ACBD6: variants seen among roughly 807,000 people sequenced by gnomAD.
ACBD6 encodes acyl-CoA-binding domain-containing protein 6.
ACBD6 carries 28 observed loss-of-function variants against 37.2 expected under a neutral mutation model. The ratio of observed to expected loss-of-function variants is 0.75; its 90% CI spans 0.56 to 1.03. The LOEUF (loss-of-function observed/expected upper bound fraction) is 1.03, where lower values mean the gene tolerates loss of function less well. Ranked by LOEUF, ACBD6 falls within the 50% of genes least tolerant of loss-of-function variation. The probability of loss-of-function intolerance (pLI) is 0.00; values close to 1 mark genes in which losing one functional copy is unlikely to be tolerated. For synonymous variants in ACBD6, 113 were observed against 126.8 expected, an observed-to-expected ratio of 0.89 and a Z score of 0.73; for missense variants, 340 against 337.4, an observed-to-expected ratio of 1.01 and a Z score of -0.06.
intron 6 of ACBD6, among the ~76,000 whole-genome samples, chr1:180,368,016 T>C (rs983102816): frequency 6.6e-6 from 1 of 152,190 alleles, no homozygotes; most frequent in Non-Finnish European, 1.5e-5. Context: ...CAACAGTGAA[T>C]ACATGTTCCC....
At chr1:180,485,526 T>G (rs1033004910) in intron 3 of ACBD6, among the ~76,000 whole-genome samples, 2 of 152,232 alleles carry the variant, frequency 1.3e-5, no homozygotes, top group African/African-American at 4.8e-5. Context: ...AGGCTAAGAA[T>G]GGAGCTGGGC....
chr1:180,487,877 T>G (rs567713530), intron 3 of ACBD6, among the ~76,000 whole-genome samples: 1 of 152,246 alleles, frequency 6.6e-6, no homozygotes. Flanking sequence ...ACTTTGTGGA[T>G]TGAAGACATG....
At chr1:180,365,905 T>A (rs1653037844) in intron 6 of ACBD6, among the ~76,000 whole-genome samples, 1 of 152,204 alleles carries the variant, frequency 6.6e-6, no homozygotes, top group African/African-American at 2.4e-5. Flanking sequence ...TCTGAGTATA[T>A]CAGTTTGATC....
intron 6 of ACBD6, among the ~76,000 whole-genome samples, chr1:180,324,490 T>G (rs979406742): frequency 6.6e-6 from 1 of 152,032 alleles, no homozygotes; most frequent in East Asian, 1.9e-4. Context: ...AAAAAAAAAC[T>G]AATAAAAACA....
At chr1:180,283,877 G>A (rs1039827382), downstream of ACBD6, among the ~76,000 whole-genome samples, 1 of 152,030 alleles carries the variant, frequency 6.6e-6, no homozygotes, top group Non-Finnish European at 1.5e-5. Context: ...TTTTGGATTA[G>A]GGATGTTCAG....
intron 3 of ACBD6, among the ~76,000 whole-genome samples, chr1:180,439,081 T>C (rs1187671507): frequency 1.3e-5 from 2 of 152,228 alleles, no homozygotes; most frequent in East Asian, 1.9e-4. Flanking sequence ...GGTTCCTCCA[T>C]GTCTTTTCAT....
chr1:180,374,153 T>C (rs10913972), intron 6 of ACBD6, among the ~76,000 whole-genome samples: 145,403 of 152,260 alleles, frequency 0.95, 69,494 homozygotes, highest in African/African-American at 0.99. Context: ...ATCAAATAAT[T>C]TTGTAGAAAA....
At chr1:180,306,432 C>A (rs965074836) in intron 7 of ACBD6, among the ~76,000 whole-genome samples, 1 of 152,116 alleles carries the variant, frequency 6.6e-6, no homozygotes, top group African/African-American at 2.4e-5. Context: ...CTCTCAGAAG[C>A]ACGCGTGCCC....
rs767155202 is a variant in ACBD6, at chr1:180,274,476, G to A, written c.*936+175C>T. 7 of 1,613,870 alleles carry A rather than the reference G, an allele frequency of 4.3e-6. No homozygotes were observed. In the African/African-American group the frequency reaches 9.3e-5, roughly 22 times the overall value. Reference sequence around the variant, plus strand: ...AGCCAGACGCTGAGAGCCATGGCTGGGGGACCCACCTCTGACATCTCCACA... The same window carrying A: ...AGCCAGACGCTGAGAGCCATGGCTGAGGGACCCACCTCTGACATCTCCACA... On this transcript the variant is annotated intron_variant, in intron 10 of 13. Coordinates refer to the ACBD6 transcript ENST00000642319.
chr1:180,361,881 T>C (rs965387770), intron 6 of ACBD6, among the ~76,000 whole-genome samples: 4 of 152,212 alleles, frequency 2.6e-5, no homozygotes, highest in African/African-American at 9.6e-5. Context: ...TTGAACATTC[T>C]AGGTTTTATA....
At chr1:180,412,021 G>A (rs982685711) in intron 5 of ACBD6, among the ~76,000 whole-genome samples, 17 of 150,844 alleles carry the variant, frequency 1.1e-4, no homozygotes, top group African/African-American at 2.4e-4. Context: ...CATGTGACTC[G>A]CTTTATTGCG....
At chr1:180,488,838 C>T (rs1460249482) in intron 3 of ACBD6, among the ~76,000 whole-genome samples, 1 of 152,140 alleles carries the variant, frequency 6.6e-6, no homozygotes, top group Admixed American at 6.5e-5. Context: ...GCCTCAGCCT[C>T]CCAAATTATA....
In ACBD6 at chr1:180,415,668, T is replaced by C. The variant is rs1648061083; in HGVS notation, c.468-2197A>G. Among the ~76,000 whole-genome samples the C allele has an allele frequency of 2.0e-5, 3 of 152,192 alleles. No individual in the cohort carries two copies. In the South Asian group the frequency reaches 6.2e-4, roughly 31 times the overall value. ...CACAGAAAGGAAAGCAGAAGGATCC[T>C]TGGCATGTGGGTTACGCATACCCAG... On this transcript the variant is annotated intron_variant, in intron 4 of 7. Coordinates refer to ENST00000367595, the MANE Select transcript of ACBD6 (RefSeq NM_032360.4).
At chr1:180,309,584 T>C (rs1316438960) in intron 7 of ACBD6, among the ~76,000 whole-genome samples, 1 of 152,148 alleles carries the variant, frequency 6.6e-6, no homozygotes, top group Non-Finnish European at 1.5e-5. Context: ...AAATAAGAGC[T>C]GATTCAGCAG....
At chr1:180,304,719 A>C (rs77810372) in intron 7 of ACBD6, among the ~76,000 whole-genome samples, 143,543 of 150,480 alleles carry the variant, frequency 0.95, 68,851 homozygotes, top group East Asian at 0.99. Flanking sequence ...ATCAAGCTAC[A>C]AATGACTTTC....
intron 6 of ACBD6, among the ~76,000 whole-genome samples, chr1:180,317,531 G>T (rs937401550): frequency 6.6e-6 from 1 of 152,110 alleles, no homozygotes; most frequent in Non-Finnish European, 1.5e-5. Context: ...CAATAAAAAA[G>T]AAAGAAAATT....
rs1553291927 is a variant in ACBD6 at position 180,318,171 on chromosome 1, C to CCA, written c.664-3450_664-3449insTG. Among the ~76,000 whole-genome samples, 13 of 103,828 alleles carry CCA rather than the reference C, an allele frequency of 1.3e-4. 1 individual carries two copies. The highest frequency in any genetic ancestry group is 2.6e-4 in the Admixed American group (3 of 11,690). The allele number at this position is 103,828 out of a possible 152,430, so 68.1% of individuals were successfully genotyped here. ...AGTAAGATTCCATCTCCGCCCCCCC[C>CCA]CCCCAAAAAAAAAAGAAAGAAAGAA... On this transcript the variant is annotated intron_variant, in intron 6 of 7. Transcript: ENST00000367595.
intron 6 of ACBD6, among the ~76,000 whole-genome samples, chr1:180,391,626 G>T (rs1231348875): frequency 6.6e-6 from 1 of 152,092 alleles, no homozygotes; most frequent in Admixed American, 6.6e-5. Context: ...ACCTTAGGGT[G>T]GCTATAATCA....
chr1:180,502,217 C>T lies in ACBD6; in HGVS notation c.50G>A (p.Gly17Glu). The T allele has an allele frequency of 6.2e-7, 1 of 1,613,934 alleles. No individual in the cohort carries two copies. The highest frequency in any genetic ancestry group is 8.5e-7 in the Non-Finnish European group (1 of 1,180,042). Residue 17 changes from glycine (G) to glutamate (E), a missense_variant, in exon 1 of 8, where the codon GGA becomes GAA. Transcript: ENST00000367595. ...PAGAITGDSG[G>E]ELSSGDDSGE... is the part of the protein sequence containing the mutation. ...GGAGTCGTCCCCTGAGCTCAGCTCT[C>T]CACCGCTGTCGCCGGTGATGGCCCC...
Sources: gnomAD v4.1 joint callset for allele counts (sites outside exome capture counted in the v4.1 genomes callset) on GRCh38, gnomAD v4.1.1 for gene constraint, MANE v1.5 for transcripts, NCBI Gene and HGNC (gene_info 2026-07-23, HGNC 2026-07-21) for gene names.